GRB10: variants seen among roughly 807,000 people sequenced by gnomAD.
The protein encoded by GRB10 is growth factor receptor-bound protein 10.
GRB10 carries 20 observed loss-of-function variants against 80.9 expected under a neutral mutation model. The ratio of observed to expected loss-of-function variants is 0.25; its 90% CI spans 0.17 to 0.36. GRB10 has a LOEUF of 0.36. Ranked by LOEUF, GRB10 falls within the 10% of genes least tolerant of loss-of-function variation. GRB10 has a pLI of 1.00. For synonymous variants in GRB10, 291 were observed against 291.5 expected (o/e 1.00, Z 0.02); for missense variants, 548 against 747.7 (o/e 0.73, Z 3.12).
chr7:50,754,266 G>T (rs370718309), intron 3 of GRB10, among the ~76,000 whole-genome samples: 1 of 152,252 alleles, frequency 6.6e-6, no homozygotes, highest in African/African-American at 2.4e-5. Context: ...GGTCTGCAGA[G>T]CTATCACTGG....
chr7:50,603,453 C>T (rs897473137), intron 17 of GRB10, among the ~76,000 whole-genome samples: 6 of 152,216 alleles, frequency 3.9e-5, no homozygotes, highest in African/African-American at 1.4e-4. Context: ...CTGCTGCAGA[C>T]ACATGCCCAG....
intron 6 of GRB10, among the ~76,000 whole-genome samples, chr7:50,672,396 T>G (rs1226792801): frequency 6.6e-6 from 1 of 152,242 alleles, no homozygotes; most frequent in Non-Finnish European, 1.5e-5. Flanking sequence ...CATCAGCATC[T>G]GCACACAGTA....
chr7:50,686,429 A>C (rs1168650225), intron 5 of GRB10, among the ~76,000 whole-genome samples: 1 of 152,190 alleles, frequency 6.6e-6, no homozygotes. Context: ...AGCAACTCAA[A>C]CAGACTAAGA....
chr7:50,697,743 A>C (rs1443570735), intron 5 of GRB10, among the ~76,000 whole-genome samples: 4 of 152,196 alleles, frequency 2.6e-5, no homozygotes, highest in Non-Finnish European at 5.9e-5. Flanking sequence ...GAATCCCCAA[A>C]GTTGAACTTG....
At chr7:50,656,179 C>T (rs922952290) in intron 7 of GRB10, among the ~76,000 whole-genome samples, 18 of 152,312 alleles carry the variant, frequency 1.2e-4, no homozygotes, top group Middle Eastern at 3.4e-3. Context: ...GAAGTTGGAA[C>T]CCTGAGGAGA....
At chr7:50,790,691 C>A (rs1426278504) in intron 1 of GRB10, among the ~76,000 whole-genome samples, 1 of 152,234 alleles carries the variant, frequency 6.6e-6, no homozygotes, top group Non-Finnish European at 1.5e-5. Context: ...CTTCCCCTTG[C>A]AGTTAAGAGT....
chr7:50,622,435 AG>A (rs1406007955), intron 8 of GRB10, among the ~76,000 whole-genome samples: 1 of 152,232 alleles, frequency 6.6e-6, no homozygotes, highest in Non-Finnish European at 1.5e-5. Flanking sequence ...CCATCTGACC[AG>A]GAACAACCAC....
intron 7 of GRB10, among the ~76,000 whole-genome samples, chr7:50,639,254 G>A (rs2055673463): frequency 1.3e-5 from 2 of 152,252 alleles, no homozygotes; most frequent in East Asian, 1.9e-4. Context: ...TTAAAAATAC[G>A]TTTTAAAATT....
At chr7:50,639,376 T>C (rs1351956047) in intron 7 of GRB10, among the ~76,000 whole-genome samples, 2 of 152,212 alleles carry the variant, frequency 1.3e-5, no homozygotes, top group African/African-American at 4.8e-5. Flanking sequence ...AAAGAGTTCT[T>C]GAAAGTCAAG....
Position 50,674,344 on chromosome 7 carries a change from TCCC to T in GRB10, c.362+89_362+91del, listed in dbSNP as rs961458668. On this transcript the variant is annotated intron_variant, in intron 6 of 18. Coordinates refer to ENST00000401949, the MANE Select transcript of GRB10 (RefSeq NM_001350814.2). ...CTTGACTTTGCAAGACCAACACTAT[TCCC>T]CCCAACACCATTTAACTCACAGAGA... is the stretch of plus-strand genomic sequence containing the variant. The T allele has an allele frequency of 1.5e-4, 193 of 1,250,714 alleles. 2 individuals are homozygous for T. In the Admixed American group the frequency reaches 3.5e-3, roughly 23 times the overall value. The allele number at this position is 1,250,714 out of a possible 1,614,324, so 77.5% of individuals were successfully genotyped here.
At position 50,669,807 on chromosome 7, in the gene GRB10, T is replaced by A. The variant is rs373098408; in HGVS notation, c.419A>T (p.Asn140Ile). 2.0e-5 allele frequency: 33 copies of A among 1,613,844 alleles called. No homozygotes were observed. The highest frequency in any genetic ancestry group is 2.7e-5 in the Non-Finnish European group (32 of 1,179,972). ...AGGGCCACAGAGTTCAGGAAAAGGA[T>A]TGGGGATGGCCGGCAGAGATGAGGT... The part of the protein sequence containing the change: ...FRTSSLPAIP[N>I]PFPELCGPGS... The change falls in exon 7 of 19, where the codon AAT becomes ATT. Residue 140 changes from asparagine to isoleucine, a missense_variant. Around this residue, in one of 4 missense-constraint regions of GRB10, gnomAD observed 245 missense variants for 229.3 expected, o/e 1.07. Transcript: ENST00000401949.
At chr7:50,669,661 G>C in intron 7 of GRB10, 61 bp downstream of exon 7, 1 of 1,496,970 alleles carries the variant, frequency 6.7e-7, no homozygotes. Flanking sequence ...TGGCACATCT[G>C]TGCAGATCCC....
upstream of GRB10, among the ~76,000 whole-genome samples, chr7:50,783,972 A>G (rs1423650453): frequency 1.3e-5 from 2 of 152,138 alleles, no homozygotes; most frequent in Admixed American, 6.5e-5. Flanking sequence ...CATGACCACA[A>G]AATTCCAATA....
chr7:50,760,106 G>A (rs945037210), intron 2 of GRB10, among the ~76,000 whole-genome samples: 5 of 152,204 alleles, frequency 3.3e-5, no homozygotes, highest in African/African-American at 1.2e-4. Context: ...CTACGGCCAT[G>A]CAGACCAGAA....
At chr7:50,746,212 C>A (rs189581666) in intron 3 of GRB10, among the ~76,000 whole-genome samples, 52 of 152,310 alleles carry the variant, frequency 3.4e-4, no homozygotes, top group African/African-American at 1.3e-3. Context: ...AGTTAAGAAT[C>A]TCCTTACAAC....
At chr7:50,746,178 T>G (rs1459994411) in intron 3 of GRB10, among the ~76,000 whole-genome samples, 1 of 152,230 alleles carries the variant, frequency 6.6e-6, no homozygotes, top group Non-Finnish European at 1.5e-5. Flanking sequence ...TATGATGAGT[T>G]GATGAGGATG....
At chr7:50,602,421 C>T (rs1225656521) in intron 17 of GRB10, among the ~76,000 whole-genome samples, 1 of 152,180 alleles carries the variant, frequency 6.6e-6, no homozygotes, top group East Asian at 1.9e-4. Flanking sequence ...GCAGAGCACC[C>T]AGTACCTGCC....
chr7:50,642,315 CAT>C (rs1473268379), intron 7 of GRB10, among the ~76,000 whole-genome samples: 10 of 152,008 alleles, frequency 6.6e-5, no homozygotes, highest in Non-Finnish European at 1.2e-4. Flanking sequence ...CACACACACA[CAT>C]ACAAACACAT....
At chr7:50,643,939 T>C (rs757302610) in intron 7 of GRB10, among the ~76,000 whole-genome samples, 4 of 152,196 alleles carry the variant, frequency 2.6e-5, no homozygotes, top group Non-Finnish European at 5.9e-5. Context: ...AAATAAAAGT[T>C]TAAAGAAACA....
Sources: gnomAD v4.1 joint callset for allele counts (sites outside exome capture counted in the v4.1 genomes callset) on GRCh38, gnomAD v4.1.1 for gene constraint, gnomAD v4.1.1 regional missense constraint, MANE v1.5 for transcripts, NCBI Gene and HGNC (gene_info 2026-07-23, HGNC 2026-07-21) for gene names.